The following PKIG variants were observed in gnomAD, a reference collection of about 807,000 sequenced individuals.
PKIG encodes the protein cAMP-dependent protein kinase inhibitor gamma, also known as protein kinase (cAMP-dependent, catalytic) inhibitor gamma.
A neutral mutation model predicts 6.8 loss-of-function variants in PKIG; 1 was observed. The observed-to-expected ratio is 0.15, with a 90% CI of 0.05 to 0.69. The LOEUF (loss-of-function observed/expected upper bound fraction) is 0.69. Ranked by LOEUF, PKIG falls within the 30% of genes least tolerant of loss-of-function variation. PKIG has a pLI of 0.82. For missense variants in PKIG, 77 were observed against 104.0 expected, an observed-to-expected ratio of 0.74 and a Z score of 1.13; for synonymous variants, 39 against 43.0, an observed-to-expected ratio of 0.91 and a Z score of 0.36.
At chr20:44,601,877 T>G (rs1000979205) in intron 2 of PKIG, among the ~76,000 whole-genome samples, 1 of 152,260 alleles carries the variant, frequency 6.6e-6, no homozygotes, top group Admixed American at 6.5e-5. Context: ...GCTGCAGACT[T>G]GGAACAGACC....
intron 1 of PKIG, among the ~76,000 whole-genome samples, chr20:44,559,350 A>T (rs1389240253): frequency 6.6e-6 from 1 of 152,224 alleles, no homozygotes; most frequent in Non-Finnish European, 1.5e-5. Context: ...GTTCACATAG[A>T]TACATTTTAT....
chr20:44,586,817 A>G (rs2064993597), intron 1 of PKIG, among the ~76,000 whole-genome samples: 1 of 152,176 alleles, frequency 6.6e-6, no homozygotes, highest in Non-Finnish European at 1.5e-5. Flanking sequence ...GTTTCTTTGG[A>G]AGTTGCCGTG....
intron 2 of PKIG, among the ~76,000 whole-genome samples, chr20:44,597,607 C>T (rs1223162249): frequency 6.6e-6 from 1 of 152,214 alleles, no homozygotes; most frequent in African/African-American, 2.4e-5. Context: ...AAACTGTCTT[C>T]AACCCATGAA....
chr20:44,534,082 A>G (rs1568799038), intron 1 of PKIG, among the ~76,000 whole-genome samples: 2 of 152,146 alleles, frequency 1.3e-5, no homozygotes, highest in African/African-American at 4.8e-5. Context: ...TTTGGCTGCG[A>G]AGGGAGGTAG....
At position 44,551,070 on chromosome 20, in the gene PKIG, G is replaced by GT. The variant is rs3092146; in HGVS notation, c.-241+19102dup. Among the ~76,000 whole-genome samples, 418 of 148,522 alleles carry GT rather than the reference G, an allele frequency of 2.8e-3. 1 individual carries two copies. Among genetic ancestry groups the GT allele is most frequent in the African/African-American group, 8.5e-3 (345 of 40,646 alleles). ...ATACAAAACAAAGCAACATTTTCCT[G>GT]TTTTTTTTTTGAGACGGAGTCTTGC... On this transcript the variant is annotated intron_variant, in intron 1 of 4. Coordinates refer to the PKIG transcript ENST00000372887.
intron 1 of PKIG, among the ~76,000 whole-genome samples, chr20:44,585,434 G>A (rs950454047): frequency 4.6e-5 from 7 of 152,198 alleles, no homozygotes; most frequent in African/African-American, 1.7e-4. Context: ...TGGGCATCTT[G>A]CATATGCTGA....
rs565800164 is a variant in PKIG at position 44,571,948 on chromosome 20, AACGTTCTCTTTGTAGGGCTTG to A, written c.-240-10635_-240-10615del. Among the ~76,000 whole-genome samples the A allele has an allele frequency of 9.2e-3, 1,403 of 152,320 alleles. 19 individuals are homozygous for A. The highest frequency in any genetic ancestry group is 0.032 in the African/African-American group (1,332 of 41,566). On this transcript the variant is annotated intron_variant, in intron 1 of 4. Transcript: ENST00000372887. ...TCTGAAAGCCTTTAATCATCGTAGA[AACGTTCTCTTTGTAGGGCTTG>A]AGCAGGCCTCAGCATCTTTACGACA...
At chr20:44,604,516 A>G (rs757059450) in intron 2 of PKIG, among the ~76,000 whole-genome samples, 1 of 152,246 alleles carries the variant, frequency 6.6e-6, no homozygotes, top group South Asian at 2.1e-4. Flanking sequence ...GAGATATACA[A>G]GTAGTCAAGG....
chr20:44,533,916 T>C (rs2064489793), intron 1 of PKIG, among the ~76,000 whole-genome samples: 1 of 152,192 alleles, frequency 6.6e-6, no homozygotes, highest in African/African-American at 2.4e-5. Context: ...GGTAAATAAA[T>C]ATGGAGGTCG....
intron 1 of PKIG, among the ~76,000 whole-genome samples, chr20:44,589,246 A>G (rs532433064): frequency 4.6e-5 from 7 of 152,204 alleles, no homozygotes; most frequent in East Asian, 1.9e-4. Flanking sequence ...CTGAGAGTGG[A>G]TGATTGCTTG....
intron 2 of PKIG, among the ~76,000 whole-genome samples, chr20:44,608,977 T>C (rs2065190815): frequency 6.6e-6 from 1 of 152,164 alleles, no homozygotes; most frequent in African/African-American, 2.4e-5. Flanking sequence ...GTCTTGGAAG[T>C]TTACAGTCTC....
chr20:44,609,812 G>A (rs2065198008), intron 2 of PKIG, among the ~76,000 whole-genome samples: 1 of 152,304 alleles, frequency 6.6e-6, no homozygotes, highest in South Asian at 2.1e-4. Context: ...TTCAGGTGGG[G>A]CTGAGGCCCT....
chr20:44,565,943 G>T (rs1012356733), intron 1 of PKIG, among the ~76,000 whole-genome samples: 4 of 152,120 alleles, frequency 2.6e-5, no homozygotes, highest in African/African-American at 9.7e-5. Flanking sequence ...TTGTATTTTT[G>T]TAGAGATGGG....
At position 44,541,134 on chromosome 20, in the gene PKIG, A is replaced by G. The variant is rs571380610; in HGVS notation, c.-241+9156A>G. On this transcript the variant is annotated intron_variant, in intron 1 of 4. Transcript: ENST00000372887. ...TGGTAGCAAGAGTAGCCCTCATTTT[A>G]TTCCTGCCCTTTCTAATCAGGATAG... Among the ~76,000 whole-genome samples, 6 of 152,280 alleles carry G rather than the reference A, an allele frequency of 3.9e-5. No homozygotes were observed. In the South Asian group the frequency reaches 1.0e-3, roughly 26 times the overall value.
At chr20:44,542,872 C>T (rs1014833276) in intron 1 of PKIG, among the ~76,000 whole-genome samples, 6 of 152,280 alleles carry the variant, frequency 3.9e-5, no homozygotes, top group African/African-American at 9.6e-5. Flanking sequence ...GGATTACAGG[C>T]GTGAGCCACT....
chr20:44,618,765 C>T lies in PKIG; in HGVS notation c.*401C>T. ...TCCAGCCCAATCTTCTGGGTCCAGA[C>T]CTGCTTGTCCCTTTTTTAGAAAACA... On this transcript the variant is annotated 3_prime_UTR_variant, in exon 4 of 4. Coordinates refer to ENST00000372886, the MANE Select transcript of PKIG (RefSeq NM_001281445.2). 1 of 166,884 alleles carries T rather than the reference C, an allele frequency of 6.0e-6. No homozygotes were observed. The highest frequency in any genetic ancestry group is 1.3e-5 in the Non-Finnish European group (1 of 76,630). 10.3% of individuals were successfully genotyped at this position (166,884 alleles called of 1,614,324 possible).
intron 1 of PKIG, among the ~76,000 whole-genome samples, chr20:44,532,922 G>A (rs2064480008): frequency 6.6e-6 from 1 of 152,128 alleles, no homozygotes; most frequent in African/African-American, 2.4e-5. Flanking sequence ...ATGAGAGTTG[G>A]AGGGGGTCTG....
At chr20:44,610,468 C>CTCTCTCTCTCTCTCTCT (rs1245405692) in intron 2 of PKIG, among the ~76,000 whole-genome samples, 1 of 142,846 alleles carries the variant, frequency 7.0e-6, no homozygotes, top group East Asian at 2.0e-4. Context: ...CTCTTTCTCT[C>CTCTCTCTCTCTCTCTCT]TCTCTCTCTC....
chr20:44,592,264 G>A (rs773616414), intron 2 of PKIG, among the ~76,000 whole-genome samples: 3 of 152,176 alleles, frequency 2.0e-5, no homozygotes, highest in South Asian at 2.1e-4. Flanking sequence ...TCTGGAGTTC[G>A]TGCTCTCTGA....
Sources: gnomAD v4.1 joint callset for allele counts (sites outside exome capture counted in the v4.1 genomes callset) on GRCh38, gnomAD v4.1.1 for gene constraint, MANE v1.5 for transcripts, NCBI Gene and HGNC (gene_info 2026-07-23, HGNC 2026-07-21) for gene names.